Variants in SCFD1 observed in about 807,000 individuals in gnomAD.
SCFD1 encodes sec1 family domain-containing protein 1.
Under a neutral mutation model 103.2 loss-of-function variants are expected in SCFD1, and 37 were observed. That is an observed-to-expected ratio of 0.36 (90% confidence interval 0.28 to 0.47). The LOEUF (loss-of-function observed/expected upper bound fraction) is 0.47, where lower values mean the gene tolerates loss of function less well. Ranked by LOEUF, SCFD1 falls within the 20% of genes least tolerant of loss-of-function variation. The pLI is 1.00. For missense variants in SCFD1, 639 were observed against 761.2 expected, an observed-to-expected ratio of 0.84 and a Z score of 1.89; for synonymous variants, 264 against 245.0, an observed-to-expected ratio of 1.08 and a Z score of -0.73.
chr14:30,691,250 A>T (rs2139297516), intron 14 of SCFD1, among the ~76,000 whole-genome samples: 1 of 152,340 alleles, frequency 6.6e-6, no homozygotes, highest in Admixed American at 6.5e-5. Context: ...TTCCTAGCTC[A>T]TAGTGTTATT....
At chr14:30,723,392 G>GT (rs2139417007) in intron 23 of SCFD1, among the ~76,000 whole-genome samples, 1 of 152,160 alleles carries the variant, frequency 6.6e-6, no homozygotes, top group East Asian at 1.9e-4. Flanking sequence ...TTGTACAAAG[G>GT]TTTTTTATTT....
chr14:30,711,405 C>T (rs1363286233), intron 19 of SCFD1, among the ~76,000 whole-genome samples: 5 of 152,140 alleles, frequency 3.3e-5, no homozygotes, highest in Admixed American at 6.6e-5. Flanking sequence ...CCCAGGCATT[C>T]AAGACCAGCC....
chr14:30,644,026 C>T (rs1411152246), intron 7 of SCFD1: 1 of 455,558 alleles, frequency 2.2e-6, no homozygotes, highest in Admixed American at 2.4e-5. Context: ...CAGGTAGACC[C>T]CAATATCTAT....
At position 30,690,503 on chromosome 14, in the gene SCFD1, T is replaced by C. The variant is rs555321320; in HGVS notation, c.1243-4270T>C. On this transcript the variant is annotated intron_variant, in intron 14 of 24. Coordinates refer to ENST00000458591, the MANE Select transcript of SCFD1 (RefSeq NM_016106.4). Reference sequence around the variant, plus strand: ...GACCCTCTGAGCCAGGTGTGGGATATAGTCTCGTGGTGCGCCGTTTCTTAA... The same window carrying C: ...GACCCTCTGAGCCAGGTGTGGGATACAGTCTCGTGGTGCGCCGTTTCTTAA... 5.0e-5 allele frequency among the ~76,000 whole-genome samples: 6 copies of C among 119,726 alleles called. No individual in the cohort carries two copies. In the South Asian group the frequency reaches 1.6e-3, roughly 32 times the overall value. The allele number at this position is 119,726 out of a possible 152,430, so 78.5% of individuals were successfully genotyped here. A position where few individuals can be genotyped will look rare whatever the true frequency, so the allele number is the denominator to read the frequency against.
intron 1 of SCFD1, 85 bp downstream of exon 1, chr14:30,622,484 A>G: frequency 2.0e-6 from 3 of 1,506,878 alleles, no homozygotes. Flanking sequence ...TCAGAGACCG[A>G]TCTCCAGGAG....
At chr14:30,728,969 C>T (rs1454567673) in intron 23 of SCFD1, among the ~76,000 whole-genome samples, 1 of 151,926 alleles carries the variant, frequency 6.6e-6, no homozygotes, top group African/African-American at 2.4e-5. Context: ...CTCAGCCTCC[C>T]AAGTAACTGG....
At position 30,719,433 on chromosome 14, in the gene SCFD1, T is replaced by A. The variant is rs142108721; in HGVS notation, c.1736+56T>A. ...GATTTTTTCCCCTCGAGAATGGAAA[T>A]AATTTTTTTATTATATAGTACTGCT... On this transcript the variant is annotated intron_variant, in intron 21 of 24. Coordinates refer to ENST00000458591, the MANE Select transcript of SCFD1 (RefSeq NM_016106.4). 422 of 1,289,158 alleles carry A rather than the reference T, an allele frequency of 3.3e-4. 3 individuals are homozygous for A. The East Asian group carries it at 7.5e-3, about 23-fold the overall frequency. The allele number at this position is 1,289,158 out of a possible 1,614,324, so 79.9% of individuals were successfully genotyped here.
intron 14 of SCFD1, among the ~76,000 whole-genome samples, chr14:30,675,834 A>G (rs1888988852): frequency 1.3e-5 from 2 of 152,224 alleles, no homozygotes; most frequent in Non-Finnish European, 2.9e-5. Context: ...TAAAGGTATT[A>G]TTTAAATAAT....
intron 7 of SCFD1, among the ~76,000 whole-genome samples, chr14:30,644,804 A>T (rs1196273869): frequency 1.3e-5 from 2 of 152,064 alleles, no homozygotes; most frequent in African/African-American, 4.8e-5. Flanking sequence ...CTTTGCTGAT[A>T]GTTTGTTTTG....
intron 4 of SCFD1, chr14:30,634,977 A>G (rs1002933430): frequency 8.8e-6 from 4 of 455,904 alleles, no homozygotes; most frequent in Admixed American, 2.4e-5. Flanking sequence ...AGTCACCCCA[A>G]AGAAAATCTA....
At chr14:30,652,594 A>G (rs1012376786) in intron 9 of SCFD1, among the ~76,000 whole-genome samples, 1 of 152,226 alleles carries the variant, frequency 6.6e-6, no homozygotes, top group Non-Finnish European at 1.5e-5. Context: ...GAAGCTGACA[A>G]TAACTATTCC....
At chr14:30,644,627 T>A (rs1429051389) in intron 7 of SCFD1, among the ~76,000 whole-genome samples, 1 of 152,214 alleles carries the variant, frequency 6.6e-6, no homozygotes, top group Non-Finnish European at 1.5e-5. Context: ...TTCATATGCT[T>A]GCTGGCCACG....
intron 19 of SCFD1, among the ~76,000 whole-genome samples, chr14:30,709,259 T>A (rs915349918): frequency 1.3e-5 from 2 of 152,230 alleles, no homozygotes; most frequent in Non-Finnish European, 2.9e-5. Context: ...TGGTATTTTA[T>A]ATACTTAATC....
chr14:30,654,775 G>T (rs769366128), intron 10 of SCFD1, among the ~76,000 whole-genome samples: 1 of 152,066 alleles, frequency 6.6e-6, no homozygotes, highest in Non-Finnish European at 1.5e-5. Context: ...AAATAAATCA[G>T]ATTTAGAATT....
At chr14:30,622,284 C>G, upstream of SCFD1, 1 of 1,589,272 alleles carries the variant, frequency 6.3e-7, no homozygotes, top group Non-Finnish European at 8.5e-7. Flanking sequence ...GTAAGGGCAG[C>G]CACGTCATCC....
chr14:30,635,875 AGT>A (rs1277457570), intron 4 of SCFD1, among the ~76,000 whole-genome samples: 2 of 152,198 alleles, frequency 1.3e-5, no homozygotes, highest in African/African-American at 4.8e-5. Flanking sequence ...TCCCACCAGT[AGT>A]GTGTGAGGGT....
intron 17 of SCFD1, among the ~76,000 whole-genome samples, chr14:30,705,315 GA>G (rs1420583785): frequency 6.6e-6 from 1 of 152,164 alleles, no homozygotes; most frequent in Non-Finnish European, 1.5e-5. Flanking sequence ...CATGTACCTG[GA>G]AACAAGGGAG....
rs1043056572 is a variant in SCFD1 at position 30,650,889 on chromosome 14, A to G, written c.755+239A>G. On this transcript the variant is annotated intron_variant, in intron 9 of 24. Transcript: ENST00000458591. ...ATCTATAAGAAAAATTTTTCTGTGT[A>G]TAAGGCTTTGAAGGTCAGAAGCCAT... 5.9e-5 allele frequency among the ~76,000 whole-genome samples: 9 copies of G among 152,130 alleles called. No homozygotes were observed. The East Asian group carries it at 1.2e-3, about 19-fold the overall frequency.
rs529156426 is a variant in SCFD1 at position 30,734,276 on chromosome 14, G to A, written c.1837-514G>A. On this transcript the variant is annotated intron_variant, in intron 23 of 24. Coordinates refer to ENST00000458591, the MANE Select transcript of SCFD1 (RefSeq NM_016106.4). ...TAGAGAAGTTTTGGCTGTTGTGATTGGGTTCCAACATTGTAACTGTGACTT... is the reference window on the plus strand; with the variant it reads ...TAGAGAAGTTTTGGCTGTTGTGATTAGGTTCCAACATTGTAACTGTGACTT... 5.9e-5 allele frequency among the ~76,000 whole-genome samples: 9 copies of A among 152,296 alleles called. No homozygotes were observed. In the East Asian group the frequency reaches 1.3e-3, roughly 23 times the overall value.
Sources: gnomAD v4.1 joint callset for allele counts (sites outside exome capture counted in the v4.1 genomes callset) on GRCh38, gnomAD v4.1.1 for gene constraint, MANE v1.5 for transcripts, NCBI Gene and HGNC (gene_info 2026-07-23, HGNC 2026-07-21) for gene names.